The following FGFR2 variants were observed in gnomAD, a reference collection of about 807,000 sequenced individuals.
FGFR2 encodes fibroblast growth factor receptor 2, also known as BEK fibroblast growth factor receptor.
Under a neutral mutation model 95.9 loss-of-function variants are expected in FGFR2, and 19 were observed. The observed-to-expected ratio is 0.20, with a 90% CI of 0.14 to 0.29. FGFR2 has a LOEUF of 0.29. FGFR2 is among the 10% of genes least tolerant of loss of function. FGFR2 has a pLI of 1.00. For missense variants in FGFR2, 707 were observed against 1,056.9 expected (o/e 0.67, Z 4.59); for synonymous variants, 392 against 393.3 (o/e 1.00, Z 0.04).
intron 11 of FGFR2, among the ~76,000 whole-genome samples, chr10:121,500,043 C>T (rs947719256): frequency 5.3e-5 from 8 of 152,182 alleles, no homozygotes; most frequent in African/African-American, 1.7e-4. Context: ...TGCCTGGAAA[C>T]GTGGGAAACA....
intron 9 of FGFR2, among the ~76,000 whole-genome samples, chr10:121,508,926 C>T (rs1840519057): frequency 6.6e-6 from 1 of 152,216 alleles, no homozygotes; most frequent in Admixed American, 6.5e-5. Context: ...CCCTTCCACT[C>T]CAAGAGCGAG....
At chr10:121,510,013 T>C (rs1259244351) in intron 9 of FGFR2, among the ~76,000 whole-genome samples, 2 of 152,132 alleles carry the variant, frequency 1.3e-5, no homozygotes, top group East Asian at 1.9e-4. Flanking sequence ...GGCATTAACA[T>C]ACTTCTGCTC....
chr10:121,532,168 C>T (rs1852164982), intron 6 of FGFR2, among the ~76,000 whole-genome samples: 1 of 152,188 alleles, frequency 6.6e-6, no homozygotes, highest in Non-Finnish European at 1.5e-5. Flanking sequence ...CAAATGAGCC[C>T]TGGCCAGGAA....
chr10:121,550,403 T>G (rs1855195348), intron 5 of FGFR2, among the ~76,000 whole-genome samples: 1 of 152,174 alleles, frequency 6.6e-6, no homozygotes, highest in Non-Finnish European at 1.5e-5. Flanking sequence ...GTCTGCTAAG[T>G]GGATGAACAA....
At chr10:121,510,294 G>A (rs765871661) in intron 9 of FGFR2, among the ~76,000 whole-genome samples, 1 of 152,172 alleles carries the variant, frequency 6.6e-6, no homozygotes, top group South Asian at 2.1e-4. Context: ...GGCTCTGCTC[G>A]AGAGATCGCA....
chr10:121,513,598 T>C (rs1300266211), intron 9 of FGFR2, among the ~76,000 whole-genome samples: 1 of 152,098 alleles, frequency 6.6e-6, no homozygotes, highest in African/African-American at 2.4e-5. Flanking sequence ...CATGTAAGAG[T>C]TATCTCAGGA....
At chr10:121,572,143 C>A (rs1323559913) in intron 2 of FGFR2, among the ~76,000 whole-genome samples, 1 of 123,180 alleles carries the variant, frequency 8.1e-6, no homozygotes, top group African/African-American at 3.1e-5. Flanking sequence ...GTAAGATCCT[C>A]TCTCCACAAA....
intron 2 of FGFR2, among the ~76,000 whole-genome samples, chr10:121,585,533 C>T (rs186611977): frequency 4.4e-4 from 67 of 152,304 alleles, no homozygotes; most frequent in Non-Finnish European, 6.0e-4. Flanking sequence ...ATTCACCCTT[C>T]AAGATAGATA....
chr10:121,556,807 A>T (rs1856231344), intron 4 of FGFR2, among the ~76,000 whole-genome samples: 1 of 152,212 alleles, frequency 6.6e-6, no homozygotes, highest in Non-Finnish European at 1.5e-5. Flanking sequence ...TAAGTCTCAC[A>T]AACTCTCTAA....
chr10:121,520,857 G>A (rs1850440334), intron 6 of FGFR2, among the ~76,000 whole-genome samples: 3 of 152,170 alleles, frequency 2.0e-5, no homozygotes. Flanking sequence ...TGCCTGGGCT[G>A]GTCTCAAACT....
At chr10:121,574,759 A>C (rs1237378164) in intron 2 of FGFR2, among the ~76,000 whole-genome samples, 1 of 152,162 alleles carries the variant, frequency 6.6e-6, no homozygotes, top group Non-Finnish European at 1.5e-5. Context: ...CATAGGTACT[A>C]CGTGTTCTTT....
Position 121,581,034 on chromosome 10 carries a change from C to T in FGFR2, c.109+12675G>A, listed in dbSNP as rs558843168. ...CCTGACTCCCCTGGCCGCCCTCCGG[C>T]CATCTCTCTGCCTCCACATTGACCT... On this transcript the variant is annotated intron_variant, in intron 2 of 17. Coordinates refer to ENST00000358487, the MANE Select transcript of FGFR2 (RefSeq NM_000141.5). Among the ~76,000 whole-genome samples, 178 of 152,318 alleles carry T rather than the reference C, an allele frequency of 1.2e-3. 1 individual carries two copies. The highest frequency in any genetic ancestry group is 4.0e-3 in the African/African-American group (166 of 41,578).
At chr10:121,509,496 T>TC (rs1261746359) in intron 9 of FGFR2, among the ~76,000 whole-genome samples, 45 of 111,858 alleles carry the variant, frequency 4.0e-4, no homozygotes, top group African/African-American at 1.5e-3. Context: ...TTTTTTTTTT[T>TC]TTTTTTTTTT....
chr10:121,563,048 T>C (rs570059665), intron 4 of FGFR2, among the ~76,000 whole-genome samples: 19 of 152,292 alleles, frequency 1.2e-4, no homozygotes, highest in African/African-American at 4.6e-4. Flanking sequence ...AAGACCAGCC[T>C]GGCCAACATG....
chr10:121,484,330 G>T (rs575576173), intron 16 of FGFR2, among the ~76,000 whole-genome samples: 1 of 152,082 alleles, frequency 6.6e-6, no homozygotes, highest in South Asian at 2.1e-4. Flanking sequence ...GCCACCACTG[G>T]GCTGCACACT....
chr10:121,597,018 T>A (rs983930202), intron 1 of FGFR2, among the ~76,000 whole-genome samples: 1 of 152,170 alleles, frequency 6.6e-6, no homozygotes, highest in Non-Finnish European at 1.5e-5. Context: ...ACCAAACACA[T>A]AATGGGTGCC....
intron 6 of FGFR2, among the ~76,000 whole-genome samples, chr10:121,534,406 C>CT (rs760025773): frequency 2.1e-4 from 30 of 146,330 alleles, no homozygotes; most frequent in Non-Finnish European, 2.9e-4. Context: ...TTTCTTTTTT[C>CT]TTTTTTGAGA....
chr10:121,590,592 A>C (rs1187008963), intron 2 of FGFR2, among the ~76,000 whole-genome samples: 2 of 152,218 alleles, frequency 1.3e-5, no homozygotes, highest in Non-Finnish European at 2.9e-5. Context: ...TCTTAAGTCA[A>C]TTGAGTGGGC....
intron 5 of FGFR2, among the ~76,000 whole-genome samples, chr10:121,541,351 T>C (rs1266955288): frequency 6.6e-6 from 1 of 152,238 alleles, no homozygotes; most frequent in Non-Finnish European, 1.5e-5. Context: ...CTGGACACTT[T>C]TGTAGGGGAT....
Sources: gnomAD v4.1 joint callset for allele counts (sites outside exome capture counted in the v4.1 genomes callset) on GRCh38, gnomAD v4.1.1 for gene constraint, MANE v1.5 for transcripts, NCBI Gene and HGNC (gene_info 2026-07-23, HGNC 2026-07-21) for gene names.